Variants in SLIT2 observed in about 807,000 individuals in gnomAD.
SLIT2 encodes the protein slit homolog 2 protein.
In SLIT2, 41 loss-of-function variants were observed where a neutral mutation model predicts 185.7. That is an observed-to-expected ratio of 0.22 (90% CI 0.17 to 0.29). SLIT2 has a LOEUF of 0.29. SLIT2 is among the 10% of genes least tolerant of loss of function. SLIT2 has a pLI of 1.00. For missense variants in SLIT2, 1,571 were observed against 1,909.0 expected (o/e 0.82, Z 3.30); for synonymous variants, 693 against 680.2 (o/e 1.02, Z -0.29).
At chr4:20,534,909 C>T (rs1228251906) in intron 18 of SLIT2, among the ~76,000 whole-genome samples, 1 of 152,174 alleles carries the variant, frequency 6.6e-6, no homozygotes, top group Non-Finnish European at 1.5e-5. Context: ...AACCTGACCA[C>T]CCAGCAGGAC....
At chr4:20,609,054 T>C (rs751491743) in intron 33 of SLIT2, among the ~76,000 whole-genome samples, 59 of 152,172 alleles carry the variant, frequency 3.9e-4, no homozygotes, top group Non-Finnish European at 3.2e-4. Flanking sequence ...TATTTCTTCT[T>C]TGGTCCTGTT....
intron 4 of SLIT2, among the ~76,000 whole-genome samples, chr4:20,397,505 C>G (rs1315938864): frequency 6.6e-6 from 1 of 151,684 alleles, no homozygotes; most frequent in African/African-American, 2.4e-5. Flanking sequence ...GAGTTTCTTC[C>G]AGGGAATGCT....
intron 4 of SLIT2, among the ~76,000 whole-genome samples, chr4:20,298,119 C>T (rs1222895487): frequency 1.3e-5 from 2 of 150,990 alleles, no homozygotes; most frequent in African/African-American, 4.9e-5. Context: ...ACAGAATTTC[C>T]CTCTTGCTGC....
intron 4 of SLIT2, among the ~76,000 whole-genome samples, chr4:20,397,518 G>A (rs575249713): frequency 1.1e-4 from 17 of 151,808 alleles, no homozygotes; most frequent in African/African-American, 3.1e-4. Context: ...GGAATGCTGC[G>A]TTGTTTTCAT....
chr4:20,472,295 G>GATAT (rs1205039657), intron 5 of SLIT2, among the ~76,000 whole-genome samples: 1 of 25,882 alleles, frequency 3.9e-5, no homozygotes, highest in African/African-American at 2.6e-4. Context: ...TAGATATATA[G>GATAT]ATATATAGAT....
chr4:20,396,599 A>T (rs533498204), intron 4 of SLIT2, among the ~76,000 whole-genome samples: 1 of 151,742 alleles, frequency 6.6e-6, no homozygotes, highest in South Asian at 2.1e-4. Context: ...CTTTTTTCTT[A>T]TACCCCAGGG....
chr4:20,588,884 T>C (rs1727280798), intron 29 of SLIT2, among the ~76,000 whole-genome samples: 1 of 152,200 alleles, frequency 6.6e-6, no homozygotes, highest in African/African-American at 2.4e-5. Flanking sequence ...AAAAAATATA[T>C]GTTCCCTGTC....
intron 4 of SLIT2, among the ~76,000 whole-genome samples, chr4:20,348,404 A>ATT (rs57165574): frequency 0.59 from 88,237 of 148,490 alleles, 26,738 homozygotes; most frequent in African/African-American, 0.7. Context: ...ATGCCTGGCT[A>ATT]TTTTTTTTTT....
intron 6 of SLIT2, among the ~76,000 whole-genome samples, chr4:20,485,307 A>T (rs1717108066): frequency 1.3e-5 from 2 of 152,154 alleles, no homozygotes; most frequent in African/African-American, 2.4e-5. Context: ...AGGACAGAGT[A>T]TATGCCTGAT....
At chr4:20,463,483 A>G (rs1303345479) in intron 4 of SLIT2, among the ~76,000 whole-genome samples, 16 of 93,940 alleles carry the variant, frequency 1.7e-4, no homozygotes, top group African/African-American at 6.9e-4. Flanking sequence ...ATATATATAT[A>G]TATATATATG....
At chr4:20,388,996 G>A (rs1725193606) in intron 4 of SLIT2, among the ~76,000 whole-genome samples, 1 of 148,046 alleles carries the variant, frequency 6.8e-6, no homozygotes, top group Non-Finnish European at 1.5e-5. Context: ...GTATATAGGA[G>A]ATATGAACAA....
intron 5 of SLIT2, among the ~76,000 whole-genome samples, chr4:20,477,029 T>C (rs1203275443): frequency 6.6e-6 from 1 of 152,016 alleles, no homozygotes; most frequent in Non-Finnish European, 1.5e-5. Context: ...CATACAGTGG[T>C]ATCTCTTAAT....
At chr4:20,260,926 C>T (rs1401244794) in intron 3 of SLIT2, among the ~76,000 whole-genome samples, 1 of 130,178 alleles carries the variant, frequency 7.7e-6, no homozygotes, top group Non-Finnish European at 1.5e-5. Flanking sequence ...TTCTTCCTTA[C>T]CTCTCTAACT....
chr4:20,292,783 C>G (rs1225921207), intron 4 of SLIT2, among the ~76,000 whole-genome samples: 1 of 151,972 alleles, frequency 6.6e-6, no homozygotes, highest in African/African-American at 2.4e-5. Flanking sequence ...CTAGCTTTTT[C>G]TTTTTTCTTT....
chr4:20,277,655 T>G (rs187554399), intron 4 of SLIT2, among the ~76,000 whole-genome samples: 23 of 150,860 alleles, frequency 1.5e-4, no homozygotes, highest in African/African-American at 5.6e-4. Flanking sequence ...TATGCAAGCA[T>G]ATTCTATTGG....
In SLIT2 at chr4:20,254,683, A is replaced by G. The variant is rs1711578976; in HGVS notation, c.179+689A>G. Among the ~76,000 whole-genome samples, 1 of 151,946 alleles carries G rather than the reference A, an allele frequency of 6.6e-6. No individual in the cohort carries two copies. The highest frequency in any genetic ancestry group is 1.5e-5 in the Non-Finnish European group (1 of 67,992). On this transcript the variant is annotated intron_variant, in intron 1 of 36. Coordinates refer to ENST00000504154, the MANE Select transcript of SLIT2 (RefSeq NM_004787.4). The surrounding 1 kb of genome is among the most constrained non-coding windows in gnomAD (Gnocchi z 5.1). ...TCTCAGCGGGCGACTGCGAGGGAGG[A>G]CCGTGTCCCATCCGTTAAGCGAAGT...
intron 4 of SLIT2, among the ~76,000 whole-genome samples, chr4:20,464,574 A>C (rs892473839): frequency 6.6e-6 from 1 of 152,136 alleles, no homozygotes; most frequent in Non-Finnish European, 1.5e-5. Context: ...AGTTCACAGA[A>C]CAGCACACTG....
At chr4:20,263,410 G>A (rs988827319) in intron 3 of SLIT2, among the ~76,000 whole-genome samples, 1 of 151,836 alleles carries the variant, frequency 6.6e-6, no homozygotes, top group African/African-American at 2.4e-5. Flanking sequence ...CAGATGGACA[G>A]TTCTGGAGCA....
At chr4:20,494,930 AGAG>A (rs1443387797) in intron 9 of SLIT2, among the ~76,000 whole-genome samples, 1 of 152,188 alleles carries the variant, frequency 6.6e-6, no homozygotes, top group African/African-American at 2.4e-5. Context: ...GGAGAGTAAG[AGAG>A]GAGAAGCTCA....
Sources: allele counts gnomAD v4.1 joint callset (sites outside exome capture counted in the v4.1 genomes callset), GRCh38; gene constraint gnomAD v4.1.1; non-coding constraint Gnocchi (gnomAD v3.1); transcripts MANE v1.5; gene names NCBI Gene and HGNC (gene_info 2026-07-23, HGNC 2026-07-21).